Variants in PDGFRL observed in about 807,000 individuals in gnomAD.
PDGFRL encodes the protein platelet derived growth factor receptor like, also known as platelet-derived growth factor receptor-like protein.
Under a neutral mutation model 37.2 loss-of-function variants are expected in PDGFRL, and 46 were observed. The observed-to-expected ratio is 1.24, with a 90% CI of 0.98 to 1.58. The LOEUF is 1.58. Among genes scored for constraint, PDGFRL ranks in the 40% most tolerant of loss-of-function variants. PDGFRL has a pLI of 0.00. For synonymous variants in PDGFRL, 251 were observed against 184.3 expected (o/e 1.36, Z -2.93); for missense variants, 692 against 467.6 (o/e 1.48, Z -4.43).
At chr8:17,628,847 C>A in intron 4 of PDGFRL, 67 bp downstream of exon 4, 1 of 1,060,952 alleles carries the variant, frequency 9.4e-7, no homozygotes. Flanking sequence ...CTGCTGTTCC[C>A]TGCCTGCAGA....
intron 5 of PDGFRL, among the ~76,000 whole-genome samples, chr8:17,636,185 GC>G (rs1252541366): frequency 6.6e-6 from 1 of 152,136 alleles, no homozygotes; most frequent in African/African-American, 2.4e-5. Flanking sequence ...TGAACTCTTT[GC>G]CTAAGCCAAT....
intron 5 of PDGFRL, among the ~76,000 whole-genome samples, chr8:17,637,668 T>C (rs1023023889): frequency 2.6e-5 from 4 of 152,224 alleles, no homozygotes; most frequent in African/African-American, 9.6e-5. Context: ...GAATGTCTGA[T>C]AGAATTCATT....
chr8:17,614,041 A>G (rs1397498178), intron 2 of PDGFRL, among the ~76,000 whole-genome samples: 2 of 152,202 alleles, frequency 1.3e-5, no homozygotes, highest in Admixed American at 1.3e-4. Context: ...ATGTGGAGAT[A>G]GATGATAGAT....
intron 1 of PDGFRL, among the ~76,000 whole-genome samples, chr8:17,580,731 A>T (rs1294417324): frequency 6.6e-6 from 1 of 152,190 alleles, no homozygotes. Flanking sequence ...AAACCGCAGA[A>T]GTTTGTTTGC....
At chr8:17,611,668 A>C (rs1585318463) in intron 2 of PDGFRL, among the ~76,000 whole-genome samples, 2 of 152,214 alleles carry the variant, frequency 1.3e-5, no homozygotes, top group Non-Finnish European at 2.9e-5. Context: ...CTGGGAGAGC[A>C]AAGGAGCTGG....
chr8:17,593,552 C>G (rs1803987778), intron 2 of PDGFRL, among the ~76,000 whole-genome samples: 1 of 149,896 alleles, frequency 6.7e-6, no homozygotes. Context: ...GAGCCGTGAT[C>G]ATACCACTAT....
In PDGFRL at chr8:17,606,786, C is replaced by A. The variant is rs146467027; in HGVS notation, c.354-14265C>A. 3.3e-3 allele frequency among the ~76,000 whole-genome samples: 504 copies of A among 152,140 alleles called. 2 individuals are homozygous for A. The highest frequency in any genetic ancestry group is 4.6e-3 in the Non-Finnish European group (310 of 68,024). On this transcript the variant is annotated intron_variant, in intron 2 of 5. Transcript: ENST00000251630. Reference sequence around the variant, plus strand: ...GAGGTCATGCGTGTAAACCTCTTGGCACACATAGTAAGCCACCTAAATATC... The same window carrying A: ...GAGGTCATGCGTGTAAACCTCTTGGAACACATAGTAAGCCACCTAAATATC...
chr8:17,641,196 C>G (rs541860026), intron 5 of PDGFRL, among the ~76,000 whole-genome samples: 77 of 152,322 alleles, frequency 5.1e-4, no homozygotes, highest in African/African-American at 1.8e-3. Flanking sequence ...GGCTACCAGC[C>G]TCTTGGATAA....
intron 2 of PDGFRL, among the ~76,000 whole-genome samples, chr8:17,610,965 A>G (rs181299285): frequency 2.6e-5 from 4 of 152,348 alleles, no homozygotes; most frequent in Admixed American, 1.3e-4. Context: ...ATTTCTCTAC[A>G]TGGTGAGTGC....
Position 17,638,786 on chromosome 8 carries a change from T to TATATAA in PDGFRL, c.940-3826_940-3825insTATAAA, listed in dbSNP as rs751775328. On this transcript the variant is annotated intron_variant, in intron 5 of 5. Transcript: ENST00000251630. ...ATATATATATATATATATATATATA[T>TATATAA]AATTGTGATATTTTCCTGTTGGGCA... Among the ~76,000 whole-genome samples the TATATAA allele has an allele frequency of 1.4e-3, 142 of 102,832 alleles. 4 individuals are homozygous for TATATAA. Among genetic ancestry groups the TATATAA allele is most frequent in the Admixed American group, 2.4e-3 (21 of 8,730 alleles). The allele number at this position is 102,832 out of a possible 152,430, so 67.5% of individuals were successfully genotyped here. A position where few individuals can be genotyped will look rare whatever the true frequency, so the allele number is the denominator to read the frequency against.
At chr8:17,622,571 G>A (rs1358693439) in intron 3 of PDGFRL, among the ~76,000 whole-genome samples, 1 of 152,182 alleles carries the variant, frequency 6.6e-6, no homozygotes, top group South Asian at 2.1e-4. Context: ...TGCAGTTCTG[G>A]AAGCACATGT....
intron 3 of PDGFRL, among the ~76,000 whole-genome samples, chr8:17,621,893 G>A (rs1025636997): frequency 6.6e-6 from 1 of 152,018 alleles, no homozygotes; most frequent in Non-Finnish European, 1.5e-5. Flanking sequence ...GGCTGGTCTC[G>A]AACTCCTGAA....
intron 3 of PDGFRL, among the ~76,000 whole-genome samples, chr8:17,625,559 A>G (rs1435236774): frequency 6.6e-6 from 1 of 152,200 alleles, no homozygotes; most frequent in African/African-American, 2.4e-5. Flanking sequence ...TGTGTAATCT[A>G]TAATTATTAA....
At chr8:17,618,912 G>C (rs1441338625) in intron 2 of PDGFRL, among the ~76,000 whole-genome samples, 1 of 151,914 alleles carries the variant, frequency 6.6e-6, no homozygotes, top group East Asian at 1.9e-4. Context: ...CCTGAGAGTC[G>C]ATCCTAATTA....
chr8:17,641,465 C>G (rs1299081558), intron 5 of PDGFRL, among the ~76,000 whole-genome samples: 1 of 152,186 alleles, frequency 6.6e-6, no homozygotes, highest in Non-Finnish European at 1.5e-5. Flanking sequence ...AGGGCTCTTT[C>G]TGCTGCTCCT....
chr8:17,578,907 T>C (rs1003777438), intron 1 of PDGFRL, among the ~76,000 whole-genome samples: 1 of 152,230 alleles, frequency 6.6e-6, no homozygotes, highest in Non-Finnish European at 1.5e-5. Flanking sequence ...TTTATAAAAG[T>C]ACACACATCT....
intron 1 of PDGFRL, among the ~76,000 whole-genome samples, chr8:17,579,512 G>C (rs1163484421): frequency 7.0e-6 from 1 of 143,668 alleles, no homozygotes; most frequent in Non-Finnish European, 1.5e-5. Flanking sequence ...TAGTTTTTCT[G>C]ATCACATCTA....
In PDGFRL at chr8:17,634,135, C is replaced by G; in HGVS notation, c.861C>G (p.Asp287Glu). The change falls in exon 5 of 6, where the codon GAC becomes GAG. Residue 287 changes from aspartate to glutamate, a missense_variant. Transcript: ENST00000251630. ...LASSNKVKSGDDISVLCTVLG... is the reference protein window; with the variant it reads ...LASSNKVKSGEDISVLCTVLG... Reference sequence around the variant, plus strand: ...CTTCAAACAAAGTGAAAAGTGGGGACGACATCAGTGTGCTCTGCACTGTCC... The same window carrying G: ...CTTCAAACAAAGTGAAAAGTGGGGAGGACATCAGTGTGCTCTGCACTGTCC... 2 of 1,612,944 alleles carry G rather than the reference C, an allele frequency of 1.2e-6. No homozygotes were observed. Among genetic ancestry groups the G allele is most frequent in the South Asian group, 2.2e-5 (2 of 91,044 alleles).
chr8:17,580,012 A>T (rs1803671996), intron 1 of PDGFRL, among the ~76,000 whole-genome samples: 1 of 152,194 alleles, frequency 6.6e-6, no homozygotes, highest in African/African-American at 2.4e-5. Context: ...TAAAATCACA[A>T]ATATTTCCTG....
Sources: gnomAD v4.1 joint callset for allele counts (sites outside exome capture counted in the v4.1 genomes callset) on GRCh38, gnomAD v4.1.1 for gene constraint, MANE v1.5 for transcripts, NCBI Gene and HGNC (gene_info 2026-07-23, HGNC 2026-07-21) for gene names.